Variants in CCDC192 observed in about 807,000 individuals in gnomAD.
CCDC192 encodes the protein coiled-coil domain containing 192.
At chr5:127,702,708 T>C (rs1325621016), upstream of CCDC192, among the ~76,000 whole-genome samples, 1 of 152,222 alleles carries the variant, frequency 6.6e-6, no homozygotes, top group Non-Finnish European at 1.5e-5. Context: ...TTCTGAGCTG[T>C]GGACTGCAGG....
chr5:127,867,558 T>C (rs1470012511), intron 5 of CCDC192, among the ~76,000 whole-genome samples: 2 of 152,202 alleles, frequency 1.3e-5, no homozygotes, highest in Non-Finnish European at 1.5e-5. Flanking sequence ...TATGTAGCTT[T>C]GGCCCTTTGG....
rs552116298 is a variant in CCDC192, at chr5:127,897,146, C to G, written c.535+21485C>G. On this transcript the variant is annotated intron_variant, in intron 6 of 6. Coordinates refer to ENST00000514853, the MANE Select transcript of CCDC192 (RefSeq NM_001317938.2). ...CAGACAAGCAAAATAAATAGCTACA[C>G]AGTAGTCTCCTCACATATGACTATT... 2.7e-4 allele frequency among the ~76,000 whole-genome samples: 41 copies of G among 151,594 alleles called. No individual in the cohort carries two copies. In the South Asian group the frequency reaches 7.9e-3, roughly 29 times the overall value.
intron 5 of CCDC192, among the ~76,000 whole-genome samples, chr5:127,819,677 A>G (rs1749193795): frequency 6.6e-6 from 1 of 152,138 alleles, no homozygotes. Context: ...AAATGAATCT[A>G]TTTTATAGAT....
At chr5:127,757,519 A>G (rs1024175210) in intron 3 of CCDC192, among the ~76,000 whole-genome samples, 3 of 152,104 alleles carry the variant, frequency 2.0e-5, no homozygotes, top group Non-Finnish European at 4.4e-5. Context: ...CCTTGAAAAC[A>G]TAAAAACTTT....
chr5:127,769,587 A>G (rs955885828), intron 3 of CCDC192, among the ~76,000 whole-genome samples: 1 of 152,186 alleles, frequency 6.6e-6, no homozygotes, highest in Non-Finnish European at 1.5e-5. Context: ...AGATCTCAAT[A>G]TGTAGATTTG....
At chr5:127,785,313 C>G in intron 3 of CCDC192, 1 of 462,042 alleles carries the variant, frequency 2.2e-6, no homozygotes, top group South Asian at 1.7e-5. Flanking sequence ...GGGCCAGGAC[C>G]CAGAGCTCAG....
intron 6 of CCDC192, among the ~76,000 whole-genome samples, chr5:127,880,822 A>G (rs1333553464): frequency 6.6e-6 from 1 of 151,786 alleles, no homozygotes; most frequent in Non-Finnish European, 1.5e-5. Flanking sequence ...TCTACCAAAA[A>G]TACAAAAACT....
chr5:127,714,423 C>T (rs1751507491), intron 2 of CCDC192, among the ~76,000 whole-genome samples: 1 of 152,206 alleles, frequency 6.6e-6, no homozygotes, highest in Admixed American at 6.5e-5. Flanking sequence ...GAATCTCACT[C>T]TGTCACCCAG....
chr5:127,825,407 T>C lies in CCDC192; in HGVS notation c.411+27245T>C, dbSNP rs75905278. ...GGTCAGCAGGAGCCTTAGAGACCAT[T>C]TTGTTCAAAGTTGATGCAAGACTGG... On this transcript the variant is annotated intron_variant, in intron 5 of 6. Transcript: ENST00000514853. Among the ~76,000 whole-genome samples the C allele has an allele frequency of 2.2e-3, 329 of 152,296 alleles. 3 individuals carry two copies. The highest frequency in any genetic ancestry group is 7.7e-3 in the African/African-American group (319 of 41,558).
intron 2 of CCDC192, among the ~76,000 whole-genome samples, chr5:127,721,822 G>T (rs533121369): frequency 2.0e-5 from 3 of 152,272 alleles, no homozygotes; most frequent in Admixed American, 2.0e-4. Flanking sequence ...GGCATGTCTT[G>T]CATGGCTGGG....
At chr5:127,842,964 G>A (rs1445630716) in intron 5 of CCDC192, among the ~76,000 whole-genome samples, 1 of 151,962 alleles carries the variant, frequency 6.6e-6, no homozygotes, top group Non-Finnish European at 1.5e-5. Flanking sequence ...GGAGTTTCAT[G>A]GCATCTGTGA....
At chr5:127,863,199 C>T (rs947214845) in intron 5 of CCDC192, among the ~76,000 whole-genome samples, 9 of 152,174 alleles carry the variant, frequency 5.9e-5, no homozygotes, top group African/African-American at 1.9e-4. Context: ...TATTGTGCTA[C>T]CATGATCACT....
At chr5:127,939,687 GTT>G (rs34470118) in intron 6 of CCDC192, among the ~76,000 whole-genome samples, 5,612 of 144,660 alleles carry the variant, frequency 0.039, 327 homozygotes, top group African/African-American at 0.13. Context: ...TTATTTTTAT[GTT>G]TTTTTTTTTT....
chr5:127,929,633 T>C (rs1447752049), intron 6 of CCDC192, among the ~76,000 whole-genome samples: 1 of 152,178 alleles, frequency 6.6e-6, no homozygotes, highest in Non-Finnish European at 1.5e-5. Context: ...TGATAAACAA[T>C]AGCAATGGAT....
intron 2 of CCDC192, among the ~76,000 whole-genome samples, chr5:127,724,420 G>T (rs1752194144): frequency 6.6e-6 from 1 of 152,024 alleles, no homozygotes; most frequent in South Asian, 2.1e-4. Context: ...CTCCTAATGT[G>T]TTTTTACATT....
chr5:127,842,384 A>G (rs979397840), intron 5 of CCDC192, among the ~76,000 whole-genome samples: 2 of 152,142 alleles, frequency 1.3e-5, no homozygotes, highest in South Asian at 2.1e-4. Context: ...TGCCCAGCTA[A>G]TATTTAAATT....
rs1219307107 is a variant in CCDC192 at position 127,918,216 on chromosome 5, TAA to T, written c.536-22948_536-22947del. ...AGGGTTGCCAGACACCTTCAATTTG[TAA>T]AAAAAAAAAAAAAAAAAGTAGTATC... On this transcript the variant is annotated intron_variant, in intron 6 of 6. Transcript: ENST00000514853. 5.7e-4 allele frequency among the ~76,000 whole-genome samples: 57 copies of T among 100,324 alleles called. 1 individual carries two copies. The highest frequency in any genetic ancestry group is 8.1e-4 in the African/African-American group (18 of 22,160). 65.8% of individuals were successfully genotyped at this position (100,324 alleles called of 152,430 possible). A position where few individuals can be genotyped will look rare whatever the true frequency, so the allele number is the denominator to read the frequency against.
At chr5:127,782,363 A>G (rs1050468824) in intron 3 of CCDC192, among the ~76,000 whole-genome samples, 7 of 151,868 alleles carry the variant, frequency 4.6e-5, no homozygotes, top group East Asian at 1.9e-4. Flanking sequence ...CTCTTTCTCT[A>G]TCTTGTTGGA....
intron 6 of CCDC192, among the ~76,000 whole-genome samples, chr5:127,912,953 T>A (rs1175552376): frequency 1.3e-5 from 2 of 152,194 alleles, no homozygotes; most frequent in African/African-American, 4.8e-5. Flanking sequence ...CAACACATGG[T>A]CCCATCATCA....
Sources: allele counts gnomAD v4.1 joint callset (sites outside exome capture counted in the v4.1 genomes callset), GRCh38; gene constraint gnomAD v4.1.1; transcripts MANE v1.5; gene names NCBI Gene and HGNC (gene_info 2026-07-23, HGNC 2026-07-21).